The following HLTF variants were observed in gnomAD, a reference collection of about 807,000 sequenced individuals.
HLTF encodes helicase like transcription factor.
In HLTF, 127 loss-of-function variants were observed where a neutral mutation model predicts 129.4. That is an observed-to-expected ratio of 0.98 (90% CI 0.85 to 1.14). The LOEUF (loss-of-function observed/expected upper bound fraction) is 1.14, where lower values mean the gene tolerates loss of function less well. Among genes scored for constraint, HLTF ranks in the 50% most tolerant of loss-of-function variants. HLTF has a pLI of 0.00. For missense variants in HLTF, 1,139 were observed against 1,187.1 expected, an observed-to-expected ratio of 0.96 and a Z score of 0.60; for synonymous variants, 332 against 388.8, an observed-to-expected ratio of 0.85 and a Z score of 1.72.
rs768172508 is a variant in HLTF, at chr3:149,073,193, C to T, written c.627+32G>A. 8.3e-6 allele frequency: 12 copies of T among 1,453,056 alleles called. No homozygotes were observed. The African/African-American group carries it at 1.6e-4, about 19-fold the overall frequency. 90.0% of individuals were successfully genotyped at this position (1,453,056 alleles called of 1,614,324 possible). ...ACAAACCTGCAACATTTAAAATTCACTTTTAGATTACAAAATAAAAGAGAA... is the reference window on the plus strand; with the variant it reads ...ACAAACCTGCAACATTTAAAATTCATTTTTAGATTACAAAATAAAAGAGAA... On this transcript the variant is annotated intron_variant, in intron 5 of 24. Coordinates refer to ENST00000310053, the MANE Select transcript of HLTF (RefSeq NM_003071.4).
intron 10 of HLTF, chr3:149,062,952 G>C (rs1356546766): frequency 2.5e-6 from 1 of 395,856 alleles, no homozygotes; most frequent in African/African-American, 2.1e-5. Context: ...TGTAAAATGA[G>C]AATACTCTAT....
intron 16 of HLTF, 38 bp from the exon 17 acceptor site, chr3:149,048,201 G>C: frequency 6.4e-7 from 1 of 1,552,372 alleles, no homozygotes; most frequent in Non-Finnish European, 8.7e-7. Context: ...TCTTTAACCA[G>C]AGTATCCAGT....
At chr3:149,062,453 C>A (rs1718026799) in intron 10 of HLTF, among the ~76,000 whole-genome samples, 1 of 152,184 alleles carries the variant, frequency 6.6e-6, no homozygotes, top group African/African-American at 2.4e-5. Flanking sequence ...ATTAACATAG[C>A]CAGTTTCAAA....
chr3:149,048,308 T>A, intron 16 of HLTF, 145 bp from the exon 17 acceptor site: 2 of 524,940 alleles, frequency 3.8e-6, no homozygotes, highest in Non-Finnish European at 6.5e-6. Context: ...CTATCAAGTG[T>A]TGACTATAAT....
At chr3:149,083,989 T>C (rs1720116831) in intron 2 of HLTF, among the ~76,000 whole-genome samples, 1 of 151,966 alleles carries the variant, frequency 6.6e-6, no homozygotes, top group Non-Finnish European at 1.5e-5. Flanking sequence ...GAGAATTCTA[T>C]GCAACATTAG....
At chr3:149,068,707 C>T (rs1718609326) in intron 7 of HLTF, among the ~76,000 whole-genome samples, 1 of 152,106 alleles carries the variant, frequency 6.6e-6, no homozygotes, top group Non-Finnish European at 1.5e-5. Context: ...TTCCAGTATG[C>T]ATATAATCAT....
chr3:149,066,588 A>T (rs546007443), intron 8 of HLTF, among the ~76,000 whole-genome samples: 1 of 151,872 alleles, frequency 6.6e-6, no homozygotes, highest in Non-Finnish European at 1.5e-5. Flanking sequence ...CTGCCATTTC[A>T]ATTAATGTAG....
intron 10 of HLTF, among the ~76,000 whole-genome samples, chr3:149,062,540 A>C (rs1423239296): frequency 2.6e-5 from 4 of 152,238 alleles, no homozygotes; most frequent in Non-Finnish European, 5.9e-5. Context: ...CAATACAACA[A>C]AAGCCCAATT....
chr3:149,042,584 G>A (rs1373995162), intron 18 of HLTF, among the ~76,000 whole-genome samples: 2 of 152,090 alleles, frequency 1.3e-5, no homozygotes, highest in Non-Finnish European at 2.9e-5. Context: ...TGGATGGCAT[G>A]CCCTGAGGGG....
At chr3:149,052,539 G>A (rs1717083424) in intron 14 of HLTF, among the ~76,000 whole-genome samples, 1 of 152,152 alleles carries the variant, frequency 6.6e-6, no homozygotes, top group South Asian at 2.1e-4. Flanking sequence ...TCAAGGCAGA[G>A]GAAAAGGGGA....
In HLTF at chr3:149,074,355, T is replaced by C. The variant is rs771723551; in HGVS notation, c.396-7A>G. ...TGCACCAAAAGGAACTACCCTATTA[T>C]ATTTGGGAGAAAAAGAAAGGGAAAT... is the stretch of plus-strand genomic sequence containing the variant. On this transcript the variant is annotated splice_region_variant and splice_polypyrimidine_tract_variant and intron_variant, in intron 3 of 24. Coordinates refer to ENST00000310053, the MANE Select transcript of HLTF (RefSeq NM_003071.4). The C allele has an allele frequency of 1.9e-6, 3 of 1,589,202 alleles. No homozygotes were observed. Among genetic ancestry groups the C allele is most frequent in the East Asian group, 2.2e-5 (1 of 44,664 alleles).
At chr3:149,059,510 C>T (rs1717745019) in intron 13 of HLTF, 1 of 514,838 alleles carries the variant, frequency 1.9e-6, no homozygotes, top group East Asian at 3.5e-5. Flanking sequence ...ACATTTTGGC[C>T]CTAACTAAAA....
intron 14 of HLTF, among the ~76,000 whole-genome samples, chr3:149,054,038 TA>T (rs1717216303): frequency 6.6e-6 from 1 of 151,732 alleles, no homozygotes; most frequent in Non-Finnish European, 1.5e-5. Flanking sequence ...ATTTAAAAAA[TA>T]AATAAATAAA....
At chr3:149,060,585 T>G in intron 12 of HLTF, 58 bp downstream of exon 12, 7 of 1,328,266 alleles carry the variant, frequency 5.3e-6, no homozygotes, top group Non-Finnish European at 7.4e-6. Flanking sequence ...TACAAATCAA[T>G]GGAGCTGTAC....
intron 7 of HLTF, 133 bp downstream of exon 7, chr3:149,071,119 G>T: frequency 1.9e-6 from 1 of 536,334 alleles, no homozygotes; most frequent in Non-Finnish European, 3.2e-6. Flanking sequence ...GAAAAACTGT[G>T]TTCTACAAAG....
At chr3:149,068,035 T>C (rs1419655766) in intron 8 of HLTF, among the ~76,000 whole-genome samples, 1 of 152,150 alleles carries the variant, frequency 6.6e-6, no homozygotes, top group Non-Finnish European at 1.5e-5. Flanking sequence ...CACTCCAGCC[T>C]GGGCAACAGA....
rs376548302 is a variant in HLTF at position 149,031,539 on chromosome 3, T to C, written c.*681A>G. 38 of 152,700 alleles carry C rather than the reference T, an allele frequency of 2.5e-4. 1 individual carries two copies. The highest frequency in any genetic ancestry group is 9.1e-4 in the African/African-American group (38 of 41,568). The allele number at this position is 152,700 out of a possible 1,614,324, so 9.5% of individuals were successfully genotyped here. ...ATATTTATACCTCAGACACAGCAAG[T>C]TACATTTAAACAATGAGTGTAGTAC... On this transcript the variant is annotated 3_prime_UTR_variant, in exon 25 of 25. Transcript: ENST00000310053.
intron 23 of HLTF, among the ~76,000 whole-genome samples, chr3:149,037,187 C>T (rs1559853517): frequency 6.6e-6 from 1 of 151,956 alleles, no homozygotes; most frequent in Non-Finnish European, 1.5e-5. Context: ...ATACAACAGA[C>T]CGGCTGGGCG....
rs1409476174 is a variant in HLTF, at chr3:149,074,769, AAAAAGG to A, written c.396-427_396-422del. ...AATAACTGAAAAACCTGATAAACTG[AAAAAGG>A]AGAAAACAAAGTGAGACATTATGAG... is the stretch of plus-strand genomic sequence containing the variant. On this transcript the variant is annotated intron_variant, in intron 3 of 24. Transcript: ENST00000310053. 5.3e-5 allele frequency among the ~76,000 whole-genome samples: 8 copies of A among 152,292 alleles called. No homozygotes were observed. The South Asian group carries it at 1.4e-3, about 28-fold the overall frequency.
Sources: gnomAD v4.1 joint callset for allele counts (sites outside exome capture counted in the v4.1 genomes callset) on GRCh38, gnomAD v4.1.1 for gene constraint, MANE v1.5 for transcripts, NCBI Gene and HGNC (gene_info 2026-07-23, HGNC 2026-07-21) for gene names.